CXCL14: variants seen among roughly 807,000 people sequenced by gnomAD.
The protein encoded by CXCL14 is C-X-C motif chemokine 14.
A neutral mutation model predicts 16.1 loss-of-function variants in CXCL14; 9 were observed. The ratio of observed to expected loss-of-function variants is 0.56; its 90% CI spans 0.34 to 0.97. CXCL14 has a LOEUF of 0.97. Among genes scored for constraint, CXCL14 ranks in the 50% least tolerant of loss-of-function variants. CXCL14 has a pLI of 0.02. For missense variants in CXCL14, 111 were observed against 132.5 expected, an observed-to-expected ratio of 0.84 and a Z score of 0.80; for synonymous variants, 55 against 52.8, an observed-to-expected ratio of 1.04 and a Z score of -0.18.
intron 2 of CXCL14, among the ~76,000 whole-genome samples, chr5:135,576,612 G>A (rs1751101963): frequency 6.6e-6 from 1 of 152,186 alleles, no homozygotes; most frequent in African/African-American, 2.4e-5. Flanking sequence ...AGTTCTGGCG[G>A]TGGGGGTAAG....
chr5:135,576,350 G>A (rs1022016029), intron 2 of CXCL14, among the ~76,000 whole-genome samples: 4 of 152,224 alleles, frequency 2.6e-5, no homozygotes, highest in African/African-American at 9.6e-5. Context: ...GCATTCTGAA[G>A]GAAAGGACGT....
Position 135,571,785 on chromosome 5 carries a change from T to G in CXCL14, c.*68A>C. 2.4e-6 allele frequency: 1 copy of G among 412,544 alleles called. No individual in the cohort carries two copies. The highest frequency in any genetic ancestry group is 4.2e-6 in the Non-Finnish European group (1 of 237,282). The allele number at this position is 412,544 out of a possible 1,614,324, so 25.6% of individuals were successfully genotyped here. ...TTTTTTTTTTTTTTTTTTTTTTTTT[T>G]AATCTGCAAAGTCCTTTGCACAAGT... On this transcript the variant is annotated 3_prime_UTR_variant, in exon 4 of 4. Transcript: ENST00000512158.
Position 135,578,838 on chromosome 5 carries a change from G to C in CXCL14, c.-60C>G. ...ATGGGGAGGGCGCTGGCCCGTCGGA[G>C]CGGCGGCCCGGAGACGCCACCCAGC... is the stretch of plus-strand genomic sequence containing the variant. On this transcript the variant is annotated 5_prime_UTR_variant, in exon 1 of 4. Coordinates refer to ENST00000512158, the MANE Select transcript of CXCL14 (RefSeq NM_004887.5). 6.8e-7 allele frequency: 1 copy of C among 1,473,524 alleles called. No homozygotes were observed. Among genetic ancestry groups the C allele is most frequent in the Non-Finnish European group, 8.9e-7 (1 of 1,117,782 alleles). The allele number at this position is 1,473,524 out of a possible 1,614,324, so 91.3% of individuals were successfully genotyped here. A position where few individuals can be genotyped will look rare whatever the true frequency, so the allele number is the denominator to read the frequency against.
rs1751169499 is a variant in CXCL14 at position 135,578,974 on chromosome 5, T to C, written c.-196A>G. 1.8e-6 allele frequency: 1 copy of C among 564,614 alleles called. No homozygotes were observed. The allele number at this position is 564,614 out of a possible 1,614,324, so 35.0% of individuals were successfully genotyped here. On this transcript the variant is annotated 5_prime_UTR_variant, in exon 1 of 4. Transcript: ENST00000512158. ...GGCCGTGCGCTGCGCTCTGCGCTTG[T>C]CTCCGCGCTCTCTCCACAGCCTCCC...
intron 3 of CXCL14, among the ~76,000 whole-genome samples, chr5:135,573,348 A>G (rs1751052720): frequency 6.6e-6 from 1 of 152,346 alleles, no homozygotes; most frequent in East Asian, 1.9e-4. Flanking sequence ...TATTGCTCTC[A>G]TCACTTTCTA....
rs955245805 is a variant in CXCL14, at chr5:135,578,286, A to C, written c.170+148T>G. ...TCCAGAGTGTCTCGCCAGCGTCCTAAGGACTCTCTGGGCAATTACAAAGGC... is the reference window on the plus strand; with the variant it reads ...TCCAGAGTGTCTCGCCAGCGTCCTACGGACTCTCTGGGCAATTACAAAGGC... On this transcript the variant is annotated intron_variant, in intron 2 of 3. Transcript: ENST00000512158. 3 of 665,798 alleles carry C rather than the reference A, an allele frequency of 4.5e-6. No individual in the cohort carries two copies. The African/African-American group carries it at 5.4e-5, about 12-fold the overall frequency. 41.2% of individuals were successfully genotyped at this position (665,798 alleles called of 1,614,324 possible). A position where few individuals can be genotyped will look rare whatever the true frequency, so the allele number is the denominator to read the frequency against.
Position 135,578,952 on chromosome 5 carries a change from CGTG to C in CXCL14, c.-177_-175del, listed in dbSNP as rs1033701457. 3.1e-6 allele frequency: 2 copies of C among 635,724 alleles called. No homozygotes were observed. Among genetic ancestry groups the C allele is most frequent in the Non-Finnish European group, 5.0e-6 (2 of 400,632 alleles). The allele number at this position is 635,724 out of a possible 1,614,324, so 39.4% of individuals were successfully genotyped here. A position where few individuals can be genotyped will look rare whatever the true frequency, so the allele number is the denominator to read the frequency against. ...GTGGATGCCCAGGGCTGTCTGTGGC[CGTG>C]CGCTGCGCTCTGCGCTTGTCTCCGC... is the stretch of plus-strand genomic sequence containing the variant. On this transcript the variant is annotated 5_prime_UTR_variant, in exon 1 of 4. Coordinates refer to ENST00000512158, the MANE Select transcript of CXCL14 (RefSeq NM_004887.5).
chr5:135,575,661 A>G (rs2126865414), intron 2 of CXCL14, among the ~76,000 whole-genome samples: 1 of 152,348 alleles, frequency 6.6e-6, no homozygotes, highest in East Asian at 1.9e-4. Context: ...TGGGGGCTCC[A>G]GCCTGGAGGG....
intron 3 of CXCL14, among the ~76,000 whole-genome samples, chr5:135,573,146 CCAGCAAT>C (rs945867571): frequency 1.3e-5 from 2 of 152,114 alleles, no homozygotes; most frequent in African/African-American, 4.8e-5. Flanking sequence ...TGAGTATCCC[CCAGCAAT>C]CAGATCAAGA....
At chr5:135,578,146 A>G (rs1387115945) in intron 2 of CXCL14, among the ~76,000 whole-genome samples, 1 of 152,196 alleles carries the variant, frequency 6.6e-6, no homozygotes, top group Non-Finnish European at 1.5e-5. Context: ...TGATGGCCCT[A>G]GCAGAGTGGG....
chr5:135,578,344 T>C, intron 2 of CXCL14, 90 bp downstream of exon 2: 1 of 1,082,290 alleles, frequency 9.2e-7, no homozygotes, highest in Non-Finnish European at 1.4e-6. Flanking sequence ...CGGAGAGAAA[T>C]GTTTGTTAGC....
intron 2 of CXCL14, among the ~76,000 whole-genome samples, 177 bp downstream of exon 2, chr5:135,578,256 TG>T (rs1751145220): frequency 6.6e-6 from 1 of 152,198 alleles, no homozygotes; most frequent in African/African-American, 2.4e-5. Context: ...CCTTCCCGAC[TG>T]TCTTCCAGAG....
intron 2 of CXCL14, among the ~76,000 whole-genome samples, chr5:135,576,006 C>G (rs914748467): frequency 1.3e-5 from 2 of 152,252 alleles, no homozygotes; most frequent in African/African-American, 4.8e-5. Flanking sequence ...TTACTTCAGT[C>G]TCCCAGTTGA....
rs930613864 is a variant in CXCL14 at position 135,578,953 on chromosome 5, G to T, written c.-175C>A. 1.6e-6 allele frequency: 1 copy of T among 635,218 alleles called. No homozygotes were observed. Among genetic ancestry groups the T allele is most frequent in the Non-Finnish European group, 2.5e-6 (1 of 400,220 alleles). The allele number at this position is 635,218 out of a possible 1,614,324, so 39.3% of individuals were successfully genotyped here. A position where few individuals can be genotyped will look rare whatever the true frequency, so the allele number is the denominator to read the frequency against. Reference sequence around the variant, plus strand: ...TGGATGCCCAGGGCTGTCTGTGGCCGTGCGCTGCGCTCTGCGCTTGTCTCC... The same window carrying T: ...TGGATGCCCAGGGCTGTCTGTGGCCTTGCGCTGCGCTCTGCGCTTGTCTCC... On this transcript the variant is annotated 5_prime_UTR_variant, in exon 1 of 4. Transcript: ENST00000512158.
intron 2 of CXCL14, 68 bp from the exon 3 acceptor site, chr5:135,574,753 G>T: frequency 7.6e-7 from 1 of 1,321,076 alleles, no homozygotes; most frequent in Non-Finnish European, 1.1e-6. Flanking sequence ...TGTGTGGCCT[G>T]TGAGTAGCCC....
In CXCL14 at chr5:135,578,822, G is replaced by A. The variant is rs994797666; in HGVS notation, c.-44C>T. 29 of 1,493,184 alleles carry A rather than the reference G, an allele frequency of 1.9e-5. No homozygotes were observed. Among genetic ancestry groups the A allele is most frequent in the Non-Finnish European group, 2.3e-5 (26 of 1,127,842 alleles). 92.5% of individuals were successfully genotyped at this position (1,493,184 alleles called of 1,614,324 possible). On this transcript the variant is annotated 5_prime_UTR_variant, in exon 1 of 4. Transcript: ENST00000512158. ...GCGTGGGAGCAGGGACATGGGGAGG[G>A]CGCTGGCCCGTCGGAGCGGCGGCCC...
At chr5:135,578,008 G>A (rs1362086880) in intron 2 of CXCL14, among the ~76,000 whole-genome samples, 1 of 152,230 alleles carries the variant, frequency 6.6e-6, no homozygotes, top group African/African-American at 2.4e-5. Context: ...CAGGATTTAA[G>A]ATAGTGTTTG....
At chr5:135,578,053 C>CAA (rs1751138705) in intron 2 of CXCL14, among the ~76,000 whole-genome samples, 1 of 152,212 alleles carries the variant, frequency 6.6e-6, no homozygotes, top group Non-Finnish European at 1.5e-5. Context: ...GAAGGCAGCA[C>CAA]GCCTCACAGT....
Position 135,574,676 on chromosome 5 carries a change from G to C in CXCL14, c.180C>G (p.Thr60=). ...HCEEKMVIIT[T]KSVSRYRGQE... is the part of the protein sequence containing the mutation. ...GACCTCGGTACCTGGACACGCTCTT[G>C]GTGGTGATGCTGAAACGGAGCAGGA... The change falls in exon 3 of 4, where the codon ACC becomes ACG. Residue 60 remains threonine, a synonymous_variant. Transcript: ENST00000512158. 6.2e-7 allele frequency: 1 copy of C among 1,613,736 alleles called. No individual in the cohort carries two copies. The highest frequency in any genetic ancestry group is 1.1e-5 in the South Asian group (1 of 91,052).
Sources: gnomAD v4.1 joint callset for allele counts (sites outside exome capture counted in the v4.1 genomes callset) on GRCh38, gnomAD v4.1.1 for gene constraint, MANE v1.5 for transcripts, NCBI Gene and HGNC (gene_info 2026-07-23, HGNC 2026-07-21) for gene names.